RET: variants seen among roughly 807,000 people sequenced by gnomAD.
RET encodes proto-oncogene tyrosine-protein kinase receptor Ret.
Under a neutral mutation model 118.3 loss-of-function variants are expected in RET, and 19 were observed. The observed-to-expected ratio is 0.16, with a 90% CI of 0.11 to 0.24. RET has a LOEUF of 0.24. Ranked by LOEUF, RET falls within the 10% of genes least tolerant of loss-of-function variation. RET has a pLI of 1.00. For synonymous variants in RET, 597 were observed against 644.1 expected (o/e 0.93, Z 1.11); for missense variants, 1,219 against 1,502.1 (o/e 0.81, Z 3.12).
At position 43,100,266 on chromosome 10, in the gene RET, T is replaced by C. The variant is rs541731718; in HGVS notation, c.74-193T>C. On this transcript the variant is annotated intron_variant, in intron 1 of 19. Transcript: ENST00000355710. ...GGATACTGCTTCCCCTGTTTCCTTT[T>C]CTTTTTCTGTTTTAAAGCAGTTCTT... 8.5e-5 allele frequency among the ~76,000 whole-genome samples: 13 copies of C among 152,354 alleles called. No homozygotes were observed. The South Asian group carries it at 2.7e-3, about 32-fold the overall frequency.
rs1166942840 is a variant in RET at position 43,077,217 on chromosome 10, T to C, written c.-42T>C. On this transcript the variant is annotated 5_prime_UTR_variant, in exon 1 of 20. Coordinates refer to ENST00000355710, the MANE Select transcript of RET (RefSeq NM_020975.6). ...ACCCGCCATCCAGACCCGCCGGCCC[T>C]AGCCGCAGTCCCTCCAGCCGTGGCC... 5 of 1,466,678 alleles carry C rather than the reference T, an allele frequency of 3.4e-6. No individual in the cohort carries two copies. The highest frequency in any genetic ancestry group is 3.6e-6 in the Non-Finnish European group (4 of 1,111,506). The allele number at this position is 1,466,678 out of a possible 1,614,324, so 90.9% of individuals were successfully genotyped here.
In RET at chr10:43,114,954, T is replaced by C. The variant is rs1245174687; in HGVS notation, c.2136+218T>C. Reference sequence around the variant, plus strand: ...CCGTTCCCATCTAGGTGAGAGGCAGTGGTCAGGGTCACAGCATCGGGCAGG... The same window carrying C: ...CCGTTCCCATCTAGGTGAGAGGCAGCGGTCAGGGTCACAGCATCGGGCAGG... On this transcript the variant is annotated intron_variant, in intron 11 of 19. Coordinates refer to ENST00000355710, the MANE Select transcript of RET (RefSeq NM_020975.6). This position sits in a 1 kb window ranked among gnomAD's most constrained non-coding sequence, Gnocchi z 4.6. Among the ~76,000 whole-genome samples the C allele has an allele frequency of 6.6e-6, 1 of 152,124 alleles. No homozygotes were observed. Among genetic ancestry groups the C allele is most frequent in the African/African-American group, 2.4e-5 (1 of 41,422 alleles).
intron 1 of RET, among the ~76,000 whole-genome samples, chr10:43,094,919 T>C (rs895118144): frequency 6.6e-6 from 1 of 152,172 alleles, no homozygotes; most frequent in Non-Finnish European, 1.5e-5. Flanking sequence ...AAGGAATGCA[T>C]GTGTGCAATG....
At chr10:43,120,892 G>A (rs979043676) in intron 15 of RET, among the ~76,000 whole-genome samples, 1 of 151,692 alleles carries the variant, frequency 6.6e-6, no homozygotes, top group Non-Finnish European at 1.5e-5. Context: ...CTGCTCAAAG[G>A]CCATGCCGCC....
At chr10:43,126,114 G>A (rs1009963506) in intron 18 of RET, among the ~76,000 whole-genome samples, 4 of 152,150 alleles carry the variant, frequency 2.6e-5, no homozygotes, top group African/African-American at 4.8e-5. Flanking sequence ...GGGTCCTTGG[G>A]GAAAGCTGGA....
intron 1 of RET, among the ~76,000 whole-genome samples, chr10:43,094,653 CA>C (rs2132617717): frequency 6.6e-6 from 1 of 152,294 alleles, no homozygotes; most frequent in Admixed American, 6.5e-5. Flanking sequence ...AGCCAGGAGC[CA>C]GTGGAGAGCT....
chr10:43,106,238 C>T lies in RET; in HGVS notation c.868-138C>T, dbSNP rs1219581462. On this transcript the variant is annotated intron_variant, in intron 4 of 19. Transcript: ENST00000355710. The surrounding 1 kb of genome is among the most constrained non-coding windows in gnomAD (Gnocchi z 5.1). ...GAACTTGAACCCAGGTCAGACTGTCCCCAGACCTGGCTCTGACAACACACA... is the reference window on the plus strand; with the variant it reads ...GAACTTGAACCCAGGTCAGACTGTCTCCAGACCTGGCTCTGACAACACACA... The T allele has an allele frequency of 6.7e-6, 6 of 896,328 alleles. No individual in the cohort carries two copies. The highest frequency in any genetic ancestry group is 4.0e-5 in the Admixed American group (2 of 50,076). 55.5% of individuals were successfully genotyped at this position (896,328 alleles called of 1,614,324 possible). A position where few individuals can be genotyped will look rare whatever the true frequency, so the allele number is the denominator to read the frequency against.
intron 6 of RET, among the ~76,000 whole-genome samples, chr10:43,110,371 A>G (rs1346169072): frequency 6.6e-6 from 1 of 152,094 alleles, no homozygotes; most frequent in African/African-American, 2.4e-5. Flanking sequence ...TTTGTAGGGG[A>G]AAGTGAGGAG....
rs377177680 is a variant in RET at position 43,104,709 on chromosome 10, C to T, written c.626-243C>T. 2.7e-5 allele frequency: 17 copies of T among 627,532 alleles called. No individual in the cohort carries two copies. The Middle Eastern group carries it at 1.3e-3, about 49-fold the overall frequency. The allele number at this position is 627,532 out of a possible 1,614,324, so 38.9% of individuals were successfully genotyped here. A position where few individuals can be genotyped will look rare whatever the true frequency, so the allele number is the denominator to read the frequency against. On this transcript the variant is annotated intron_variant, in intron 3 of 19. Transcript: ENST00000355710. The stretch of plus-strand genomic sequence containing the variant: ...TCTTCCCAACCAGCACGAGTGAGGA[C>T]GCAGCTGCAGCAGGACGTAAGCACA...
chr10:43,082,682 G>A (rs985529258), intron 1 of RET, among the ~76,000 whole-genome samples: 1 of 152,220 alleles, frequency 6.6e-6, no homozygotes, highest in Non-Finnish European at 1.5e-5. Context: ...TGTGGCCCCA[G>A]GGCAGGAGCA....
intron 1 of RET, among the ~76,000 whole-genome samples, chr10:43,094,558 C>G (rs1837481586): frequency 6.6e-6 from 1 of 152,132 alleles, no homozygotes; most frequent in Admixed American, 6.5e-5. Flanking sequence ...GGCAGGGTCA[C>G]CATGCCATGG....
chr10:43,127,168 A>T, intron 19 of RET: 1 of 1,101,122 alleles, frequency 9.1e-7, no homozygotes, highest in Non-Finnish European at 1.1e-6. Flanking sequence ...GTTCCCCCAG[A>T]CCCCTCCTGG....
chr10:43,109,074 C>T lies in RET; in HGVS notation c.1107C>T (p.Thr369=), dbSNP rs1837851951. 3.7e-6 allele frequency: 6 copies of T among 1,613,784 alleles called. No individual in the cohort carries two copies. The highest frequency in any genetic ancestry group is 5.1e-6 in the Non-Finnish European group (6 of 1,180,026). Residue 369 remains threonine (T), a synonymous_variant, in exon 6 of 20, where the codon ACC becomes ACT. Transcript: ENST00000355710. ...ACCTCTCCATCTCGGAGAACCGCAC[C>T]ATGCAGCTGGCGGTGCTGGTCAATG... ...NRNLSISENR[T]MQLAVLVNDS...
At chr10:43,113,060 G>A (rs754987983) in intron 9 of RET, 97 bp downstream of exon 9, 62 of 957,460 alleles carry the variant, frequency 6.5e-5, no homozygotes, top group Non-Finnish European at 1.0e-4. Context: ...AGGGCTGTCA[G>A]TTCTATGCAT....
intron 5 of RET, among the ~76,000 whole-genome samples, chr10:43,107,906 A>G (rs1251659291): frequency 6.6e-6 from 1 of 152,180 alleles, no homozygotes; most frequent in Non-Finnish European, 1.5e-5. Context: ...CAGTTGGTTG[A>G]AAGAGTTAAG....
intron 1 of RET, among the ~76,000 whole-genome samples, chr10:43,090,108 T>A (rs542848627): frequency 2.0e-5 from 3 of 152,274 alleles, no homozygotes; most frequent in South Asian, 2.1e-4. Flanking sequence ...AAAGGGAAAC[T>A]GGACATGTGT....
intron 1 of RET, among the ~76,000 whole-genome samples, chr10:43,091,585 C>T (rs1185467987): frequency 6.0e-5 from 9 of 149,770 alleles, no homozygotes; most frequent in Non-Finnish European, 1.0e-4. Context: ...TAGCCGAGAT[C>T]GTGCCACTGC....
At chr10:43,093,771 G>T (rs944730624) in intron 1 of RET, among the ~76,000 whole-genome samples, 6 of 150,566 alleles carry the variant, frequency 4.0e-5, no homozygotes, top group African/African-American at 1.5e-4. Flanking sequence ...CTGAAAGACG[G>T]GAGCCAGACC....
chr10:43,102,188 G>C, intron 2 of RET, 154 bp from the exon 3 acceptor site: 1 of 867,468 alleles, frequency 1.2e-6, no homozygotes, highest in Non-Finnish European at 1.8e-6. Flanking sequence ...CAGAGGTAAG[G>C]AGGTGGCAGG....
Sources: gnomAD v4.1 joint callset for allele counts (sites outside exome capture counted in the v4.1 genomes callset) on GRCh38, gnomAD v4.1.1 for gene constraint, Gnocchi (gnomAD v3.1) non-coding constraint, MANE v1.5 for transcripts, NCBI Gene and HGNC (gene_info 2026-07-23, HGNC 2026-07-21) for gene names.